HS6ST3: variants seen among roughly 807,000 people sequenced by gnomAD.
HS6ST3 encodes heparan sulfate 6-O-sulfotransferase 3.
A neutral mutation model predicts 36.7 loss-of-function variants in HS6ST3; 12 were observed. The ratio of observed to expected loss-of-function variants is 0.33; its 90% CI spans 0.21 to 0.53. HS6ST3 has a LOEUF of 0.53. Among genes scored for constraint, HS6ST3 ranks in the 20% least tolerant of loss-of-function variants. HS6ST3 has a pLI of 0.95. For missense variants in HS6ST3, 584 were observed against 640.9 expected (o/e 0.91, Z 0.96); for synonymous variants, 240 against 257.5 (o/e 0.93, Z 0.65).
At chr13:96,311,413 G>T (rs1195608523) in intron 1 of HS6ST3, among the ~76,000 whole-genome samples, 3 of 152,180 alleles carry the variant, frequency 2.0e-5, no homozygotes, top group Non-Finnish European at 2.9e-5. Context: ...GTGGGAAGTT[G>T]TGGGGGCTGG....
chr13:96,246,875 A>G (rs1055655891), intron 1 of HS6ST3, among the ~76,000 whole-genome samples: 1 of 152,154 alleles, frequency 6.6e-6, no homozygotes, highest in East Asian at 1.9e-4. Flanking sequence ...AGGCTTCAAA[A>G]ATAAGTTTTC....
intron 1 of HS6ST3, among the ~76,000 whole-genome samples, chr13:96,659,393 G>C (rs982559233): frequency 6.6e-6 from 1 of 151,986 alleles, no homozygotes; most frequent in Non-Finnish European, 1.5e-5. Flanking sequence ...GGGAATTCTT[G>C]AGATAGCCCA....
At chr13:96,301,943 A>T (rs963609472) in intron 1 of HS6ST3, among the ~76,000 whole-genome samples, 5 of 144,704 alleles carry the variant, frequency 3.5e-5, no homozygotes, top group African/African-American at 1.3e-4. Context: ...TAATAATAAT[A>T]ATTTCTAAAA....
intron 1 of HS6ST3, among the ~76,000 whole-genome samples, chr13:96,704,807 T>G (rs1282469197): frequency 6.6e-6 from 1 of 152,170 alleles, no homozygotes; most frequent in East Asian, 1.9e-4. Flanking sequence ...CTATAATACG[T>G]AGGTAACTTG....
intron 1 of HS6ST3, among the ~76,000 whole-genome samples, chr13:96,347,031 A>G (rs2055158716): frequency 6.6e-6 from 1 of 152,110 alleles, no homozygotes. Context: ...CCTGCAAATA[A>G]CTACATAGGC....
At chr13:96,679,642 A>G (rs2056711508) in intron 1 of HS6ST3, among the ~76,000 whole-genome samples, 1 of 152,028 alleles carries the variant, frequency 6.6e-6, no homozygotes, top group South Asian at 2.1e-4. Context: ...TCTTTTTGAT[A>G]TGCTTCCCTT....
At chr13:96,819,623 G>A (rs1878490031) in intron 1 of HS6ST3, among the ~76,000 whole-genome samples, 1 of 152,142 alleles carries the variant, frequency 6.6e-6, no homozygotes, top group South Asian at 2.1e-4. Flanking sequence ...TATATCATAA[G>A]CACCTCGCAT....
intron 1 of HS6ST3, among the ~76,000 whole-genome samples, chr13:96,775,175 G>A (rs1164634842): frequency 2.6e-5 from 4 of 151,988 alleles, no homozygotes; most frequent in African/African-American, 9.7e-5. Flanking sequence ...AAGAGCTCCT[G>A]AAGTAAGCAC....
At chr13:96,677,907 G>A (rs180994342) in intron 1 of HS6ST3, among the ~76,000 whole-genome samples, 13 of 152,040 alleles carry the variant, frequency 8.6e-5, no homozygotes, top group Admixed American at 5.2e-4. Flanking sequence ...TTTAGAGCTC[G>A]GGCCTGTAAT....
In HS6ST3 at chr13:96,372,365, A is replaced by G. The variant is rs541367828; in HGVS notation, c.707+280796A>G. ...GCTATTGAGTATATGAATTCCTTGT[A>G]TATTTTGGATACTAATTCCTTATCA... On this transcript the variant is annotated intron_variant, in intron 1 of 1. Coordinates refer to ENST00000376705, the MANE Select transcript of HS6ST3 (RefSeq NM_153456.4). 5.3e-5 allele frequency among the ~76,000 whole-genome samples: 8 copies of G among 152,198 alleles called. No individual in the cohort carries two copies. In the South Asian group the frequency reaches 1.7e-3, roughly 32 times the overall value.
At chr13:96,132,624 T>G (rs954414393) in intron 1 of HS6ST3, among the ~76,000 whole-genome samples, 3 of 152,272 alleles carry the variant, frequency 2.0e-5, no homozygotes, top group African/African-American at 7.2e-5. Context: ...CAGGCTGGTC[T>G]TGAATTCCTG....
intron 1 of HS6ST3, among the ~76,000 whole-genome samples, chr13:96,740,149 A>G (rs1332047268): frequency 1.3e-5 from 2 of 152,146 alleles, no homozygotes; most frequent in Non-Finnish European, 2.9e-5. Flanking sequence ...TATCTTATTC[A>G]TTGCCTGTCT....
intron 1 of HS6ST3, among the ~76,000 whole-genome samples, chr13:96,609,393 TTA>T (rs1400047963): frequency 2.0e-5 from 3 of 152,210 alleles, no homozygotes; most frequent in South Asian, 2.1e-4. Context: ...TTGAAGATTT[TTA>T]TATGTTTTTC....
At chr13:96,258,879 A>G (rs1442166799) in intron 1 of HS6ST3, among the ~76,000 whole-genome samples, 1 of 152,184 alleles carries the variant, frequency 6.6e-6, no homozygotes, top group Non-Finnish European at 1.5e-5. Flanking sequence ...TATAGATTAA[A>G]AGAGAATTAC....
intron 1 of HS6ST3, among the ~76,000 whole-genome samples, chr13:96,388,726 G>T (rs1015075015): frequency 1.3e-5 from 2 of 152,096 alleles, no homozygotes; most frequent in Non-Finnish European, 2.9e-5. Context: ...TGAATCATGG[G>T]GGTGGTTTCC....
At chr13:96,609,983 T>A (rs2056452157) in intron 1 of HS6ST3, among the ~76,000 whole-genome samples, 1 of 152,186 alleles carries the variant, frequency 6.6e-6, no homozygotes, top group South Asian at 2.1e-4. Context: ...ATTATGCTTG[T>A]TTTCTTCATG....
At chr13:96,658,839 G>A (rs999555544) in intron 1 of HS6ST3, among the ~76,000 whole-genome samples, 15 of 152,062 alleles carry the variant, frequency 9.9e-5, no homozygotes, top group African/African-American at 3.1e-4. Flanking sequence ...CCAACTAGCT[G>A]GGATTACAGG....
intron 1 of HS6ST3, among the ~76,000 whole-genome samples, chr13:96,586,893 A>C (rs949696903): frequency 3.9e-5 from 6 of 152,072 alleles, no homozygotes; most frequent in African/African-American, 1.4e-4. Flanking sequence ...GTGTCATAGA[A>C]CTTTTCTCCT....
chr13:96,091,792 C>T (rs1165275394), intron 1 of HS6ST3, among the ~76,000 whole-genome samples: 2 of 152,148 alleles, frequency 1.3e-5, no homozygotes, highest in African/African-American at 4.8e-5. Context: ...CACCCCTCTG[C>T]CTTCACCCTC....
Sources: allele counts gnomAD v4.1 joint callset (sites outside exome capture counted in the v4.1 genomes callset), GRCh38; gene constraint gnomAD v4.1.1; transcripts MANE v1.5; gene names NCBI Gene and HGNC (gene_info 2026-07-23, HGNC 2026-07-21).